Variants in MYT1L observed in about 807,000 individuals in gnomAD.
The protein encoded by MYT1L is myelin transcription factor 1-like protein.
MYT1L carries 12 observed loss-of-function variants against 126.7 expected under a neutral mutation model. That is an observed-to-expected ratio of 0.09 (90% CI 0.06 to 0.15). The LOEUF is 0.15. MYT1L is among the 10% of genes least tolerant of loss of function. The probability of loss-of-function intolerance (pLI) is 1.00; values close to 1 mark genes in which losing one functional copy is unlikely to be tolerated. For missense variants in MYT1L, 979 were observed against 1,585.2 expected, an observed-to-expected ratio of 0.62 and a Z score of 6.49; for synonymous variants, 541 against 604.2, an observed-to-expected ratio of 0.90 and a Z score of 1.53.
In MYT1L at chr2:2,157,573, T is replaced by A. The variant is rs192266766; in HGVS notation, c.-304+15299A>T. Among the ~76,000 whole-genome samples, 473 of 152,274 alleles carry A rather than the reference T, an allele frequency of 3.1e-3. 5 individuals carry two copies. Among genetic ancestry groups the A allele is most frequent in the Non-Finnish European group, 4.4e-3 (300 of 68,032 alleles). ...ATCTTTTTATCTTCATTCTTGGCAA[T>A]GTCAGAGGCCAGTGAGAAAGTCAGA... On this transcript the variant is annotated intron_variant, in intron 3 of 24. Coordinates refer to ENST00000647738, the MANE Select transcript of MYT1L (RefSeq NM_001303052.2).
intron 2 of MYT1L, among the ~76,000 whole-genome samples, chr2:2,205,359 T>C (rs569231120): frequency 1.2e-3 from 177 of 152,316 alleles, no homozygotes; most frequent in African/African-American, 4.0e-3. Flanking sequence ...TATTCATTTT[T>C]TACTATGTGA....
In MYT1L at chr2:2,026,638, C is replaced by G. The variant is rs1039991359; in HGVS notation, c.-158+27340G>C. On this transcript the variant is annotated intron_variant, in intron 4 of 24. Coordinates refer to ENST00000647738, the MANE Select transcript of MYT1L (RefSeq NM_001303052.2). Reference sequence around the variant, plus strand: ...CCGTGGTGGAGGTTGTTCTGCAGGTCAAGGTTCGCTGCAGGAGGGCGGGGT... The same window carrying G: ...CCGTGGTGGAGGTTGTTCTGCAGGTGAAGGTTCGCTGCAGGAGGGCGGGGT... Among the ~76,000 whole-genome samples the G allele has an allele frequency of 7.9e-5, 12 of 152,200 alleles. 1 individual carries two copies. Among genetic ancestry groups the G allele is most frequent in the African/African-American group, 2.9e-4 (12 of 41,458 alleles).
At chr2:2,269,853 C>T (rs952631158) in intron 2 of MYT1L, among the ~76,000 whole-genome samples, 4 of 152,236 alleles carry the variant, frequency 2.6e-5, no homozygotes, top group African/African-American at 9.6e-5. Flanking sequence ...ATTCTCCCAG[C>T]CAGAATTATG....
At position 1,903,086 on chromosome 2, in the gene MYT1L, C is replaced by T; in HGVS notation, c.2026G>A (p.Asp676Asn). The T allele has an allele frequency of 6.2e-7, 1 of 1,613,086 alleles. No homozygotes were observed. ...AAGAGTGTGCACCTCCTACCATCAT[C>T]ATATCCTTTGGGGGATATATCCCTG... ...QTRDISPKGY[D>N]DAKRYCKDPS... The change falls in exon 14 of 25, where the codon GAT becomes AAT. Residue 676 changes from aspartate (D) to asparagine (N), a missense_variant. This residue lies in a region of MYT1L where 57 missense variants were observed against 60.3 expected (regional missense o/e 0.94). Transcript: ENST00000647738.
intron 8 of MYT1L, among the ~76,000 whole-genome samples, chr2:1,947,660 T>C (rs372541029): frequency 2.0e-5 from 3 of 152,180 alleles, no homozygotes; most frequent in Middle Eastern, 3.2e-3. Context: ...CTGCCATGGC[T>C]CCTACTCCAT....
intron 18 of MYT1L, among the ~76,000 whole-genome samples, chr2:1,870,745 A>G (rs2046178086): frequency 6.6e-6 from 1 of 152,230 alleles, no homozygotes; most frequent in Non-Finnish European, 1.5e-5. Context: ...GTTAATCAAC[A>G]TTGTTTGCTA....
intron 4 of MYT1L, among the ~76,000 whole-genome samples, chr2:1,998,436 C>T (rs1021596823): frequency 6.6e-6 from 1 of 152,188 alleles, no homozygotes; most frequent in Admixed American, 6.5e-5. Flanking sequence ...CCCCAGAATT[C>T]GCAAATCTTT....
At chr2:2,277,317 T>C (rs1418270896) in intron 2 of MYT1L, among the ~76,000 whole-genome samples, 4 of 152,244 alleles carry the variant, frequency 2.6e-5, no homozygotes, top group Non-Finnish European at 5.9e-5. Context: ...ACTCATCTTT[T>C]CACCCTTCAT....
intron 9 of MYT1L, among the ~76,000 whole-genome samples, chr2:1,926,630 T>C (rs1364287962): frequency 6.6e-6 from 1 of 152,228 alleles, no homozygotes; most frequent in Non-Finnish European, 1.5e-5. Flanking sequence ...TGGTGCGATC[T>C]GAGCTCACTG....
At chr2:2,280,779 C>G (rs186115408) in intron 2 of MYT1L, among the ~76,000 whole-genome samples, 202 of 152,286 alleles carry the variant, frequency 1.3e-3, no homozygotes, top group Non-Finnish European at 1.7e-3. Flanking sequence ...GAGAGGCATC[C>G]AGAGCTCTGT....
chr2:2,159,005 G>C (rs1032305436), intron 3 of MYT1L, among the ~76,000 whole-genome samples: 1 of 152,170 alleles, frequency 6.6e-6, no homozygotes, highest in Non-Finnish European at 1.5e-5. Context: ...GCACTTGTAG[G>C]AGAAGAAGTC....
At chr2:1,961,250 T>C (rs1049056651) in intron 8 of MYT1L, among the ~76,000 whole-genome samples, 1 of 152,224 alleles carries the variant, frequency 6.6e-6, no homozygotes, top group African/African-American at 2.4e-5. Flanking sequence ...AAAGCCAGAC[T>C]TCACCACCAT....
intron 18 of MYT1L, among the ~76,000 whole-genome samples, chr2:1,864,111 C>A (rs546887616): frequency 4.9e-4 from 74 of 152,328 alleles, no homozygotes; most frequent in African/African-American, 1.7e-3. Context: ...TGGATGGTGA[C>A]AGGCCGGGCT....
rs915724806 is a variant in MYT1L, at chr2:2,331,189, C to T, written c.-743G>A. 2 of 151,950 alleles carry T rather than the reference C, an allele frequency of 1.3e-5. No individual in the cohort carries two copies. The highest frequency in any genetic ancestry group is 2.9e-5 in the Non-Finnish European group (2 of 68,004). 9.4% of individuals were successfully genotyped at this position (151,950 alleles called of 1,614,324 possible). A position where few individuals can be genotyped will look rare whatever the true frequency, so the allele number is the denominator to read the frequency against. ...CAGGGAATGAAAAAATTAAAATGCACCCACCAACAATGAGCAAAAAACCCG... is the reference window on the plus strand; with the variant it reads ...CAGGGAATGAAAAAATTAAAATGCATCCACCAACAATGAGCAAAAAACCCG... On this transcript the variant is annotated 5_prime_UTR_variant, in exon 1 of 25. In the 5' UTR this introduces an upstream ATG that the reference lacks. Transcript: ENST00000647738.
intron 2 of MYT1L, among the ~76,000 whole-genome samples, chr2:2,231,639 T>C (rs993865500): frequency 5.3e-5 from 8 of 151,976 alleles, no homozygotes; most frequent in Non-Finnish European, 1.2e-4. Context: ...GTAAAGATGG[T>C]GTCTTGCCAT....
intron 9 of MYT1L, among the ~76,000 whole-genome samples, chr2:1,933,049 C>T (rs919557060): frequency 6.6e-6 from 1 of 152,148 alleles, no homozygotes; most frequent in African/African-American, 2.4e-5. Context: ...CTCTGAGTGA[C>T]ACACTCTTCA....
chr2:2,098,660 C>A (rs1271783745), intron 3 of MYT1L, among the ~76,000 whole-genome samples: 1 of 152,216 alleles, frequency 6.6e-6, no homozygotes, highest in Non-Finnish European at 1.5e-5. Flanking sequence ...CAAAGAATTT[C>A]CTGGCCCATC....
chr2:2,086,604 T>G (rs2076373951), intron 3 of MYT1L, among the ~76,000 whole-genome samples: 1 of 152,184 alleles, frequency 6.6e-6, no homozygotes. Flanking sequence ...CCATGCCTTA[T>G]CACCCCCTTA....
intron 4 of MYT1L, among the ~76,000 whole-genome samples, chr2:1,998,420 C>G (rs1036355117): frequency 2.0e-5 from 3 of 152,196 alleles, no homozygotes; most frequent in Non-Finnish European, 4.4e-5. Flanking sequence ...ATAATAGGGA[C>G]ATTTTCCCCA....
Sources: allele counts gnomAD v4.1 joint callset (sites outside exome capture counted in the v4.1 genomes callset), GRCh38; gene constraint gnomAD v4.1.1; regional missense constraint gnomAD v4.1.1; transcripts MANE v1.5; gene names NCBI Gene and HGNC (gene_info 2026-07-23, HGNC 2026-07-21).